Variants in MTAP observed in about 807,000 individuals in gnomAD.
MTAP encodes the protein S-methyl-5'-thioadenosine phosphorylase.
In MTAP, 33 loss-of-function variants were observed where a neutral mutation model predicts 33.6. The observed-to-expected ratio is 0.98, with a 90% CI of 0.74 to 1.31. The LOEUF is 1.31. MTAP is among the 40% of genes most tolerant of loss of function. The probability of loss-of-function intolerance (pLI) is 0.00; values close to 1 mark genes in which losing one functional copy is unlikely to be tolerated. For synonymous variants in MTAP, 148 were observed against 125.7 expected (o/e 1.18, Z -1.19); for missense variants, 367 against 360.0 (o/e 1.02, Z -0.16).
chr9:21,893,169 T>C (rs1428539591), intron 1 of MTAP: 1 of 152,132 alleles, frequency 6.6e-6, no homozygotes, highest in East Asian at 1.9e-4. Flanking sequence ...ACATTAAAAT[T>C]GCCAATCCAA....
chr9:21,931,457 A>G, downstream of MTAP: 1 of 336,660 alleles, frequency 3.0e-6, no homozygotes, highest in Non-Finnish European at 5.4e-6. Context: ...TGCAACTGGC[A>G]GCAGGGAAAG....
At chr9:21,898,514 A>G (rs1170029781) in intron 1 of MTAP, among the ~76,000 whole-genome samples, 1 of 152,242 alleles carries the variant, frequency 6.6e-6, no homozygotes. Context: ...AGAATCTACA[A>G]AGAACTTAAA....
intron 4 of MTAP, among the ~76,000 whole-genome samples, chr9:21,821,961 G>A (rs925574605): frequency 1.3e-5 from 2 of 151,998 alleles, no homozygotes; most frequent in Admixed American, 1.3e-4. Context: ...TATTTCTGTG[G>A]GATCGGTGGT....
chr9:21,917,759 A>G (rs1378698135), intron 1 of MTAP, among the ~76,000 whole-genome samples: 1 of 152,236 alleles, frequency 6.6e-6, no homozygotes, highest in East Asian at 1.9e-4. Flanking sequence ...CCAAAGGAAA[A>G]GAAGTCATAT....
intron 5 of MTAP, among the ~76,000 whole-genome samples, chr9:21,839,910 A>G (rs1330785857): frequency 6.6e-6 from 1 of 152,242 alleles, no homozygotes; most frequent in East Asian, 1.9e-4. Flanking sequence ...AGCTGGTAAC[A>G]GGAAACAGGG....
chr9:21,916,887 C>T (rs1283775817), intron 1 of MTAP, among the ~76,000 whole-genome samples: 1 of 152,084 alleles, frequency 6.6e-6, no homozygotes, highest in African/African-American at 2.4e-5. Flanking sequence ...TACTTTGTTA[C>T]GGCAGCCCGA....
downstream of MTAP, among the ~76,000 whole-genome samples, chr9:21,940,446 C>G (rs1819118704): frequency 6.6e-6 from 1 of 152,142 alleles, no homozygotes; most frequent in African/African-American, 2.4e-5. Flanking sequence ...AAAACTATAG[C>G]ACACCCATTG....
downstream of MTAP, chr9:21,941,083 A>C: frequency 1.2e-6 from 1 of 817,730 alleles, no homozygotes; most frequent in Non-Finnish European, 1.5e-6. Flanking sequence ...TAGTTACTTA[A>C]AATTTAAATT....
In MTAP at chr9:21,810,176, G is replaced by A. The variant is rs370048033; in HGVS notation, c.34-5257G>A. On this transcript the variant is annotated intron_variant, in intron 1 of 7. Transcript: ENST00000644715. The stretch of plus-strand genomic sequence containing the variant: ...ACAGCGCTGGAGGTTAGAAGTCCAA[G>A]ATCAAGGTGAGATCAAGGTGGATTT... Among the ~76,000 whole-genome samples, 22 of 152,278 alleles carry A rather than the reference G, an allele frequency of 1.4e-4. 1 individual carries two copies. The South Asian group carries it at 3.7e-3, about 26-fold the overall frequency.
intron 5 of MTAP, among the ~76,000 whole-genome samples, chr9:21,839,390 A>C (rs1048206344): frequency 1.3e-5 from 2 of 152,190 alleles, no homozygotes; most frequent in African/African-American, 4.8e-5. Flanking sequence ...AAATAGTCTA[A>C]GGAGAGAATA....
At chr9:21,888,554 T>C (rs908644230) in intron 1 of MTAP, among the ~76,000 whole-genome samples, 3 of 152,168 alleles carry the variant, frequency 2.0e-5, no homozygotes, top group African/African-American at 7.2e-5. Flanking sequence ...TGGACTAGTC[T>C]TTTATCATTA....
At chr9:21,875,295 G>A (rs1825990062) in intron 1 of MTAP, among the ~76,000 whole-genome samples, 1 of 152,094 alleles carries the variant, frequency 6.6e-6, no homozygotes, top group East Asian at 1.9e-4. Context: ...CATTCTAACT[G>A]GTGTGAGATG....
downstream of MTAP, chr9:21,933,945 GTTC>G (rs984604359): frequency 3.8e-4 from 58 of 152,172 alleles, no homozygotes; most frequent in African/African-American, 1.3e-3. Flanking sequence ...TAGCGCAAAT[GTTC>G]TTCAAGTTGA....
At chr9:21,850,388 G>T (rs1280195952) in intron 5 of MTAP, among the ~76,000 whole-genome samples, 2 of 152,178 alleles carry the variant, frequency 1.3e-5, no homozygotes, top group African/African-American at 4.8e-5. Flanking sequence ...TCATTTGAGT[G>T]TGTTACTCTG....
intron 2 of MTAP, among the ~76,000 whole-genome samples, chr9:21,816,209 G>A (rs1824470774): frequency 6.6e-6 from 1 of 152,130 alleles, no homozygotes; most frequent in Admixed American, 6.6e-5. Context: ...CAGTCCTGCA[G>A]TCATCCTGGT....
At chr9:21,819,304 C>G (rs1165218386) in intron 4 of MTAP, among the ~76,000 whole-genome samples, 3 of 152,126 alleles carry the variant, frequency 2.0e-5, no homozygotes, top group African/African-American at 7.2e-5. Flanking sequence ...CCCAACCCCA[C>G]AAGAGGCCCT....
chr9:21,899,360 T>C (rs1812357860), intron 1 of MTAP, among the ~76,000 whole-genome samples: 1 of 144,694 alleles, frequency 6.9e-6, no homozygotes, highest in African/African-American at 2.6e-5. Flanking sequence ...TGTGCATATG[T>C]ACCGCATAAC....
intron 1 of MTAP, among the ~76,000 whole-genome samples, chr9:21,900,119 G>C (rs1188396880): frequency 6.6e-6 from 1 of 152,082 alleles, no homozygotes; most frequent in Non-Finnish European, 1.5e-5. Flanking sequence ...CATAGGCCTT[G>C]GCAAATATAT....
intron 1 of MTAP, among the ~76,000 whole-genome samples, chr9:21,886,253 GT>G (rs1485075852): frequency 6.6e-6 from 1 of 150,944 alleles, no homozygotes; most frequent in Non-Finnish European, 1.5e-5. Flanking sequence ...TGTATATCTT[GT>G]TTTCAGAATT....
Sources: allele counts gnomAD v4.1 joint callset (sites outside exome capture counted in the v4.1 genomes callset), GRCh38; gene constraint gnomAD v4.1.1; transcripts MANE v1.5; gene names NCBI Gene and HGNC (gene_info 2026-07-23, HGNC 2026-07-21).